The following TCF4 variants were observed in gnomAD, a reference collection of about 807,000 sequenced individuals.
TCF4 encodes transcription factor 4.
TCF4 carries 3 observed loss-of-function variants against 82.1 expected under a neutral mutation model. That is an observed-to-expected ratio of 0.04 (90% confidence interval 0.02 to 0.09). The LOEUF is 0.09. TCF4 is among the 10% of genes least tolerant of loss of function. TCF4 has a pLI of 1.00. For missense variants in TCF4, 518 were observed against 852.7 expected, an observed-to-expected ratio of 0.61 and a Z score of 4.89; for synonymous variants, 276 against 309.6, an observed-to-expected ratio of 0.89 and a Z score of 1.14.
At chr18:55,240,623 C>A (rs2050919859) in intron 15 of TCF4, among the ~76,000 whole-genome samples, 1 of 152,184 alleles carries the variant, frequency 6.6e-6, no homozygotes, top group Non-Finnish European at 1.5e-5. Flanking sequence ...TAGATAGATA[C>A]TGTGAGGAAC....
At chr18:55,494,049 T>G (rs2096603854) in intron 3 of TCF4, among the ~76,000 whole-genome samples, 1 of 152,060 alleles carries the variant, frequency 6.6e-6, no homozygotes, top group Admixed American at 6.6e-5. Flanking sequence ...ACTTTGCATA[T>G]ACTCCCCTAC....
intron 3 of TCF4, among the ~76,000 whole-genome samples, chr18:55,483,383 G>A (rs373383609): frequency 2.0e-5 from 3 of 152,106 alleles, no homozygotes; most frequent in African/African-American, 4.8e-5. Context: ...ATACTCATTC[G>A]TTTCACAAAT....
At chr18:55,619,137 A>G (rs189697543) in intron 2 of TCF4, among the ~76,000 whole-genome samples, 282 of 151,608 alleles carry the variant, frequency 1.9e-3, no homozygotes, top group Admixed American at 3.1e-3. Flanking sequence ...GGGTTGTTTT[A>G]TGTTTGTTTG....
intron 3 of TCF4, among the ~76,000 whole-genome samples, chr18:55,566,177 C>T (rs562537605): frequency 3.3e-5 from 5 of 152,122 alleles, no homozygotes; most frequent in South Asian, 2.1e-4. Context: ...CATGCCACTG[C>T]ACTCCAGCCT....
chr18:55,585,539 T>A, intron 2 of TCF4, 187 bp from the exon 3 acceptor site: 1 of 663,496 alleles, frequency 1.5e-6, no homozygotes, highest in Non-Finnish European at 2.5e-6. Flanking sequence ...CCAGCCCCCA[T>A]TATCACTCTG....
At chr18:55,475,373 C>T (rs1337892653) in intron 3 of TCF4, among the ~76,000 whole-genome samples, 1 of 152,122 alleles carries the variant, frequency 6.6e-6, no homozygotes, top group African/African-American at 2.4e-5. Context: ...GTGTCCTTCC[C>T]AGGACATCAC....
At chr18:55,259,383 T>A (rs1236429130) in intron 13 of TCF4, among the ~76,000 whole-genome samples, 1 of 152,212 alleles carries the variant, frequency 6.6e-6, no homozygotes, top group Non-Finnish European at 1.5e-5. Flanking sequence ...AGTTATTCAA[T>A]TTGAAGCCAC....
intron 5 of TCF4, among the ~76,000 whole-genome samples, chr18:55,414,682 A>G (rs1002436846): frequency 1.3e-5 from 2 of 152,060 alleles, no homozygotes; most frequent in Admixed American, 6.5e-5. Flanking sequence ...CACCCAGGCA[A>G]TGGTAGAGAG....
chr18:55,576,607 G>A (rs1422521778), intron 3 of TCF4, among the ~76,000 whole-genome samples: 1 of 152,060 alleles, frequency 6.6e-6, no homozygotes, highest in Non-Finnish European at 1.5e-5. Flanking sequence ...TGCACGCTCA[G>A]TCTCACTACC....
At chr18:55,248,037 T>A (rs892472846) in intron 15 of TCF4, among the ~76,000 whole-genome samples, 1 of 152,122 alleles carries the variant, frequency 6.6e-6, no homozygotes, top group African/African-American at 2.4e-5. Context: ...GTAGAGATAA[T>A]CTCTTAAATT....
intron 3 of TCF4, among the ~76,000 whole-genome samples, chr18:55,575,948 C>T (rs1364495220): frequency 6.6e-6 from 1 of 152,216 alleles, no homozygotes; most frequent in Non-Finnish European, 1.5e-5. Flanking sequence ...ATAACTATCA[C>T]ATTTCCATTC....
chr18:55,377,147 G>A (rs1443737772), intron 6 of TCF4, among the ~76,000 whole-genome samples: 2 of 152,214 alleles, frequency 1.3e-5, no homozygotes, highest in Admixed American at 1.3e-4. Context: ...TTATGACTGA[G>A]TCAAAGCGTC....
Position 55,468,889 on chromosome 18 carries a change from C to CG in TCF4, c.146-4753_146-4752insC, listed in dbSNP as rs1480887300. Among the ~76,000 whole-genome samples the CG allele has an allele frequency of 1.0e-4, 13 of 126,698 alleles. 1 individual carries two copies. The highest frequency in any genetic ancestry group is 6.9e-4 in the Admixed American group (9 of 13,004). The allele number at this position is 126,698 out of a possible 152,430, so 83.1% of individuals were successfully genotyped here. A position where few individuals can be genotyped will look rare whatever the true frequency, so the allele number is the denominator to read the frequency against. ...GAATCTATTTAGTTCTCGCCCCCCC[C>CG]CCCCTTGTTCTATTGCCACCCTTTT... On this transcript the variant is annotated intron_variant, in intron 3 of 19. Transcript: ENST00000354452.
intron 3 of TCF4, among the ~76,000 whole-genome samples, chr18:55,487,408 G>C (rs777771384): frequency 6.6e-6 from 1 of 152,060 alleles, no homozygotes; most frequent in Non-Finnish European, 1.5e-5. Flanking sequence ...AGGAACTCTG[G>C]GCACCTATGA....
At chr18:55,343,162 A>T (rs1408650907) in intron 8 of TCF4, among the ~76,000 whole-genome samples, 1 of 152,152 alleles carries the variant, frequency 6.6e-6, no homozygotes, top group Non-Finnish European at 1.5e-5. Flanking sequence ...ATGTACTTGC[A>T]AAGGTCATTT....
intron 6 of TCF4, among the ~76,000 whole-genome samples, chr18:55,395,348 T>C (rs2093425481): frequency 1.3e-5 from 2 of 152,322 alleles, no homozygotes; most frequent in African/African-American, 4.8e-5. Context: ...AGAACTGTAG[T>C]CCTAATTGCT....
At chr18:55,537,817 G>A (rs116884392) in intron 3 of TCF4, among the ~76,000 whole-genome samples, 16 of 152,136 alleles carry the variant, frequency 1.1e-4, no homozygotes, top group Non-Finnish European at 2.1e-4. Flanking sequence ...AGGCTATTGA[G>A]GTCTAAGCCC....
At chr18:55,328,222 C>A (rs1388082128) in intron 8 of TCF4, among the ~76,000 whole-genome samples, 2 of 152,104 alleles carry the variant, frequency 1.3e-5, no homozygotes, top group Admixed American at 1.3e-4. Flanking sequence ...AAATTTACTA[C>A]TAAATCTCTC....
At chr18:55,333,239 A>G (rs1015183905) in intron 8 of TCF4, among the ~76,000 whole-genome samples, 14 of 152,292 alleles carry the variant, frequency 9.2e-5, no homozygotes, top group African/African-American at 3.1e-4. Flanking sequence ...CCTAATTTTC[A>G]GATACTTGTA....
Sources: gnomAD v4.1 joint callset for allele counts (sites outside exome capture counted in the v4.1 genomes callset) on GRCh38, gnomAD v4.1.1 for gene constraint, MANE v1.5 for transcripts, NCBI Gene and HGNC (gene_info 2026-07-23, HGNC 2026-07-21) for gene names.